The following WWOX variants were observed in gnomAD, a reference collection of about 807,000 sequenced individuals.
WWOX encodes the protein WW domain-containing oxidoreductase.
A neutral mutation model predicts 46.2 loss-of-function variants in WWOX; 69 were observed. That is an observed-to-expected ratio of 1.49 (90% CI 1.23 to 1.82). The LOEUF (loss-of-function observed/expected upper bound fraction) is 1.82, where lower values mean the gene tolerates loss of function less well. Among genes scored for constraint, WWOX ranks in the 40% most tolerant of loss-of-function variants. The probability of loss-of-function intolerance (pLI) is 0.00; values close to 1 mark genes in which losing one functional copy is unlikely to be tolerated. For synonymous variants in WWOX, 359 were observed against 202.6 expected, an observed-to-expected ratio of 1.77 and a Z score of -6.56; for missense variants, 919 against 542.6, an observed-to-expected ratio of 1.69 and a Z score of -6.89.
chr16:78,844,046 C>A (rs191014630), intron 8 of WWOX, among the ~76,000 whole-genome samples: 1 of 152,288 alleles, frequency 6.6e-6, no homozygotes, highest in East Asian at 1.9e-4. Context: ...AATTTGGTAA[C>A]ATTTTTATAA....
At chr16:78,583,362 A>G (rs1279361517) in intron 8 of WWOX, among the ~76,000 whole-genome samples, 2 of 152,152 alleles carry the variant, frequency 1.3e-5, no homozygotes, top group African/African-American at 2.4e-5. Context: ...GATTTGCTTC[A>G]TGTACCCATT....
chr16:78,739,718 G>A (rs1172783264), intron 8 of WWOX, among the ~76,000 whole-genome samples: 1 of 152,136 alleles, frequency 6.6e-6, no homozygotes, highest in African/African-American at 2.4e-5. Context: ...GGCTGAGGCA[G>A]GAGAATCGCT....
At chr16:78,671,394 C>T (rs993505857) in intron 8 of WWOX, among the ~76,000 whole-genome samples, 35 of 152,152 alleles carry the variant, frequency 2.3e-4, no homozygotes, top group African/African-American at 8.2e-4. Flanking sequence ...CACTGCACTC[C>T]GGCCTGGGTG....
At chr16:78,372,064 C>A (rs1301378239) in intron 5 of WWOX, among the ~76,000 whole-genome samples, 1 of 152,138 alleles carries the variant, frequency 6.6e-6, no homozygotes, top group African/African-American at 2.4e-5. Context: ...AGTCTCACGG[C>A]TATGCCTAAT....
At chr16:79,210,642 A>C (rs1015894082) in intron 8 of WWOX, among the ~76,000 whole-genome samples, 5 of 152,182 alleles carry the variant, frequency 3.3e-5, no homozygotes, top group Non-Finnish European at 7.4e-5. Context: ...AAGATGCCAG[A>C]TAAACTGTAT....
chr16:78,912,134 A>G (rs1394754608), intron 8 of WWOX, among the ~76,000 whole-genome samples: 1 of 151,944 alleles, frequency 6.6e-6, no homozygotes, highest in Non-Finnish European at 1.5e-5. Flanking sequence ...CCTCATGTAT[A>G]AAGTGGAGAT....
chr16:78,859,944 G>A (rs1379814993), intron 8 of WWOX, among the ~76,000 whole-genome samples: 2 of 152,140 alleles, frequency 1.3e-5, no homozygotes, highest in Admixed American at 6.5e-5. Flanking sequence ...AAAGCATAAT[G>A]AACTTTGTGA....
At chr16:79,138,393 C>T (rs1170909489) in intron 8 of WWOX, among the ~76,000 whole-genome samples, 1 of 152,192 alleles carries the variant, frequency 6.6e-6, no homozygotes, top group Non-Finnish European at 1.5e-5. Flanking sequence ...GTGCCTTCCC[C>T]ATTTGACTTA....
chr16:78,387,010 A>T, intron 6 of WWOX, 62 bp downstream of exon 6: 1 of 1,505,230 alleles, frequency 6.6e-7, no homozygotes, highest in Non-Finnish European at 9.3e-7. Flanking sequence ...TCTTTATCAG[A>T]TGAACACAAT....
rs554134277 is a variant in WWOX at position 78,912,128 on chromosome 16, A to T, written c.1057-299480A>T. Among the ~76,000 whole-genome samples the T allele has an allele frequency of 1.3e-4, 20 of 152,040 alleles. No individual in the cohort carries two copies. The South Asian group carries it at 3.9e-3, about 30-fold the overall frequency. ...AGTGTCTCTGAGCCTCAACTTCCTC[A>T]TGTATAAAGTGGAGATGATGCCATT... is the stretch of plus-strand genomic sequence containing the variant. On this transcript the variant is annotated intron_variant, in intron 8 of 8. Transcript: ENST00000566780.
intron 8 of WWOX, among the ~76,000 whole-genome samples, chr16:79,182,119 C>A (rs915198890): frequency 6.7e-6 from 1 of 150,296 alleles, no homozygotes; most frequent in African/African-American, 2.5e-5. Flanking sequence ...CAGCTGGAGA[C>A]ATTAGAGCAT....
intron 8 of WWOX, among the ~76,000 whole-genome samples, chr16:78,445,032 T>TCATC (rs1393241829): frequency 9.7e-4 from 147 of 152,072 alleles, no homozygotes; most frequent in Non-Finnish European, 1.4e-3. Context: ...GCACTAAAAC[T>TCATC]TGTTGCTGCA....
intron 8 of WWOX, among the ~76,000 whole-genome samples, chr16:78,599,034 A>T (rs966012645): frequency 2.0e-5 from 3 of 152,168 alleles, no homozygotes; most frequent in African/African-American, 7.2e-5. Context: ...AAGTTTGAAC[A>T]ATCAAACTGG....
chr16:78,173,650 C>G (rs899580687), intron 5 of WWOX, among the ~76,000 whole-genome samples: 1 of 152,074 alleles, frequency 6.6e-6, no homozygotes, highest in Non-Finnish European at 1.5e-5. Flanking sequence ...TAATATGACT[C>G]TCAGATTCTG....
intron 4 of WWOX, among the ~76,000 whole-genome samples, chr16:78,148,579 C>T (rs182925432): frequency 6.0e-4 from 91 of 151,538 alleles, no homozygotes; most frequent in Non-Finnish European, 8.8e-4. Context: ...ATTTTTCTTC[C>T]TAAGGTTCTC....
chr16:79,098,924 G>A (rs2049133317), intron 8 of WWOX, among the ~76,000 whole-genome samples: 1 of 152,146 alleles, frequency 6.6e-6, no homozygotes, highest in Admixed American at 6.6e-5. Flanking sequence ...CAAAATACCT[G>A]AGACTGGGTA....
chr16:78,789,614 T>G (rs564241087), intron 8 of WWOX, among the ~76,000 whole-genome samples: 48 of 152,226 alleles, frequency 3.2e-4, no homozygotes, highest in Non-Finnish European at 5.6e-4. Context: ...TTTTCAAGAT[T>G]GTTTTGGGTA....
chr16:78,386,768 C>G, intron 5 of WWOX, 92 bp from the exon 6 acceptor site: 3 of 1,145,088 alleles, frequency 2.6e-6, no homozygotes, highest in East Asian at 2.3e-5. Context: ...CAGGGGAATT[C>G]CGACATGTTC....
At chr16:78,153,255 C>G (rs1433271531) in intron 4 of WWOX, among the ~76,000 whole-genome samples, 2 of 152,136 alleles carry the variant, frequency 1.3e-5, no homozygotes. Flanking sequence ...TGGTGTACTT[C>G]TTAGAACTTC....
Sources: allele counts gnomAD v4.1 joint callset (sites outside exome capture counted in the v4.1 genomes callset), GRCh38; gene constraint gnomAD v4.1.1; transcripts MANE v1.5; gene names NCBI Gene and HGNC (gene_info 2026-07-23, HGNC 2026-07-21).